The following MARCHF11 variants were observed in gnomAD, a reference collection of about 807,000 sequenced individuals.
MARCHF11 encodes the protein E3 ubiquitin-protein ligase MARCHF11.
MARCHF11 carries 29 observed loss-of-function variants against 37.3 expected under a neutral mutation model. That is an observed-to-expected ratio of 0.78 (90% CI 0.58 to 1.06). The LOEUF (loss-of-function observed/expected upper bound fraction) is 1.06, where lower values mean the gene tolerates loss of function less well. Ranked by LOEUF, MARCHF11 falls within the 50% of genes least tolerant of loss-of-function variation. The pLI is 0.00. For missense variants in MARCHF11, 482 were observed against 533.4 expected, an observed-to-expected ratio of 0.90 and a Z score of 0.95; for synonymous variants, 233 against 228.0, an observed-to-expected ratio of 1.02 and a Z score of -0.20.
At chr5:16,161,093 T>A (rs1269830301) in intron 2 of MARCHF11, among the ~76,000 whole-genome samples, 1 of 151,958 alleles carries the variant, frequency 6.6e-6, no homozygotes, top group Non-Finnish European at 1.5e-5. Context: ...CGTGCAGGTT[T>A]GTTACATATG....
chr5:16,081,765 T>G (rs1003073478), intron 3 of MARCHF11, among the ~76,000 whole-genome samples: 2 of 152,232 alleles, frequency 1.3e-5, no homozygotes, highest in African/African-American at 4.8e-5. Flanking sequence ...ATTATATTAA[T>G]GTTTATCCAT....
chr5:16,067,496 A>G lies in MARCHF11; in HGVS notation c.1184T>C (p.Val395Ala), dbSNP rs199531870. 1 of 1,613,122 alleles carries G rather than the reference A, an allele frequency of 6.2e-7. No individual in the cohort carries two copies. The highest frequency in any genetic ancestry group is 2.2e-5 in the East Asian group (1 of 44,852). Residue 395 changes from valine to alanine, a missense_variant, in exon 4 of 4, where the codon GTT becomes GCT. Coordinates refer to ENST00000332432, the MANE Select transcript of MARCHF11 (RefSeq NM_001102562.3). ...TCACACTGAAGTCACTCTCATCACA[A>G]CCTCCCCCGAGCTGTTATCTTCTGA... The part of the protein sequence containing the change: ...DLSEDNSSGE[V>A]VMRVTSV
At chr5:16,088,009 G>A (rs1030351647) in intron 3 of MARCHF11, among the ~76,000 whole-genome samples, 1 of 152,200 alleles carries the variant, frequency 6.6e-6, no homozygotes, top group Non-Finnish European at 1.5e-5. Flanking sequence ...GTAGAACCAA[G>A]TTTGGAAAGC....
At chr5:16,119,535 C>A (rs1464864655) in intron 2 of MARCHF11, among the ~76,000 whole-genome samples, 1 of 152,022 alleles carries the variant, frequency 6.6e-6, no homozygotes, top group African/African-American at 2.4e-5. Flanking sequence ...GGAGAGACAT[C>A]ACCCAGGGAC....
chr5:16,132,972 G>T (rs555483936), intron 2 of MARCHF11, among the ~76,000 whole-genome samples: 2 of 152,216 alleles, frequency 1.3e-5, no homozygotes, highest in Non-Finnish European at 2.9e-5. Context: ...CGTAGTGAAG[G>T]AAATCTTCAT....
intron 3 of MARCHF11, among the ~76,000 whole-genome samples, chr5:16,084,801 A>G (rs1736668886): frequency 6.6e-6 from 1 of 151,530 alleles, no homozygotes; most frequent in Non-Finnish European, 1.5e-5. Context: ...CAATAAGAAG[A>G]TATTTTTATC....
At chr5:16,113,838 C>T (rs1737186787) in intron 2 of MARCHF11, among the ~76,000 whole-genome samples, 1 of 152,130 alleles carries the variant, frequency 6.6e-6, no homozygotes, top group African/African-American at 2.4e-5. Context: ...CTGTTAAGTA[C>T]AGTCTCCCTA....
At chr5:16,101,303 G>A (rs1022849412) in intron 2 of MARCHF11, among the ~76,000 whole-genome samples, 2 of 152,140 alleles carry the variant, frequency 1.3e-5, no homozygotes, top group Non-Finnish European at 2.9e-5. Context: ...GTGAACCCCG[G>A]AGGCGGAGCT....
At chr5:16,120,288 C>T (rs564657005) in intron 2 of MARCHF11, among the ~76,000 whole-genome samples, 1 of 152,274 alleles carries the variant, frequency 6.6e-6, no homozygotes, top group South Asian at 2.1e-4. Flanking sequence ...AAGAGTGAAT[C>T]AACAGAAAAG....
rs553961337 is a variant in MARCHF11 at position 16,159,556 on chromosome 5, G to C, written c.693+18170C>G. On this transcript the variant is annotated intron_variant, in intron 2 of 3. Coordinates refer to ENST00000332432, the MANE Select transcript of MARCHF11 (RefSeq NM_001102562.3). ...ATGCATGTGCTTCCAGACAAATAAT[G>C]TTTGACTAATACCCATTATTAATGT... Among the ~76,000 whole-genome samples, 203 of 152,028 alleles carry C rather than the reference G, an allele frequency of 1.3e-3. 4 individuals carry two copies. Among genetic ancestry groups the C allele is most frequent in the South Asian group, 9.1e-3 (44 of 4,818 alleles).
intron 2 of MARCHF11, among the ~76,000 whole-genome samples, chr5:16,114,573 T>G (rs919126633): frequency 6.6e-6 from 1 of 152,166 alleles, no homozygotes; most frequent in Admixed American, 6.5e-5. Flanking sequence ...CTTCCCTTTT[T>G]GTCTAGAATC....
chr5:16,076,681 C>T (rs1262980179), intron 3 of MARCHF11, among the ~76,000 whole-genome samples: 2 of 152,080 alleles, frequency 1.3e-5, no homozygotes, highest in Non-Finnish European at 2.9e-5. Flanking sequence ...TTAATCCAAC[C>T]CTCTCACTTT....
intron 2 of MARCHF11, among the ~76,000 whole-genome samples, chr5:16,149,760 G>A (rs1466770943): frequency 6.6e-6 from 1 of 152,002 alleles, no homozygotes. Flanking sequence ...CATGCCCTGA[G>A]AAGTCCACTG....
intron 2 of MARCHF11, among the ~76,000 whole-genome samples, chr5:16,159,381 T>C (rs1439796135): frequency 6.6e-6 from 1 of 151,874 alleles, no homozygotes; most frequent in Non-Finnish European, 1.5e-5. Context: ...AAATAGTTCT[T>C]GGTGTATGAG....
chr5:16,176,180 T>C (rs915045792), intron 2 of MARCHF11, among the ~76,000 whole-genome samples: 1 of 152,056 alleles, frequency 6.6e-6, no homozygotes, highest in African/African-American at 2.4e-5. Context: ...AAATTAATCA[T>C]CCTAAATGAA....
At chr5:16,139,018 TA>T (rs1199169230) in intron 2 of MARCHF11, among the ~76,000 whole-genome samples, 2 of 152,202 alleles carry the variant, frequency 1.3e-5, no homozygotes, top group African/African-American at 4.8e-5. Context: ...ACTTTTGAGT[TA>T]ATGCTGAAAT....
chr5:16,138,005 C>A (rs1737635902), intron 2 of MARCHF11, among the ~76,000 whole-genome samples: 1 of 152,182 alleles, frequency 6.6e-6, no homozygotes, highest in South Asian at 2.1e-4. Flanking sequence ...CATAAAAGTT[C>A]AGGAAATTTG....
chr5:16,150,856 T>C (rs1430168677), intron 2 of MARCHF11, among the ~76,000 whole-genome samples: 1 of 152,004 alleles, frequency 6.6e-6, no homozygotes, highest in Non-Finnish European at 1.5e-5. Flanking sequence ...AGGACCAGCT[T>C]CAAGAGAACA....
intron 2 of MARCHF11, among the ~76,000 whole-genome samples, chr5:16,154,673 C>A (rs935599395): frequency 6.6e-6 from 1 of 151,758 alleles, no homozygotes; most frequent in Non-Finnish European, 1.5e-5. Context: ...TCAATCAAAA[C>A]CAGGCAAATA....
Sources: allele counts gnomAD v4.1 joint callset (sites outside exome capture counted in the v4.1 genomes callset), GRCh38; gene constraint gnomAD v4.1.1; transcripts MANE v1.5; gene names NCBI Gene and HGNC (gene_info 2026-07-23, HGNC 2026-07-21).